LRRC49: variants seen among roughly 807,000 people sequenced by gnomAD.
LRRC49 encodes leucine-rich repeat-containing protein 49.
LRRC49 carries 50 observed loss-of-function variants against 83.3 expected under a neutral mutation model. That is an observed-to-expected ratio of 0.60 (90% CI 0.48 to 0.76). The LOEUF (loss-of-function observed/expected upper bound fraction) is 0.76, where lower values mean the gene tolerates loss of function less well. LRRC49 is among the 30% of genes least tolerant of loss of function. The pLI is 0.00. For missense variants in LRRC49, 704 were observed against 809.1 expected (o/e 0.87, Z 1.58); for synonymous variants, 286 against 283.3 (o/e 1.01, Z -0.10).
At chr15:70,890,515 T>C (rs887054745), upstream of LRRC49, among the ~76,000 whole-genome samples, 2 of 152,232 alleles carry the variant, frequency 1.3e-5, no homozygotes, top group Non-Finnish European at 2.9e-5. Flanking sequence ...AAATCAGACA[T>C]GATCCTAGCT....
chr15:70,871,959 C>T (rs1432270044), intron 1 of LRRC49, among the ~76,000 whole-genome samples: 1 of 151,702 alleles, frequency 6.6e-6, no homozygotes, highest in Admixed American at 6.6e-5. Context: ...CGATGGGCGG[C>T]CAGGCAGAGA....
At chr15:70,878,654 A>G (rs572442318) in intron 2 of LRRC49, among the ~76,000 whole-genome samples, 1 of 152,312 alleles carries the variant, frequency 6.6e-6, no homozygotes, top group Non-Finnish European at 1.5e-5. Context: ...GTAGGTTTTT[A>G]TCATAAATAG....
chr15:70,997,534 T>C (rs2038114799), intron 11 of LRRC49, among the ~76,000 whole-genome samples: 1 of 152,116 alleles, frequency 6.6e-6, no homozygotes, highest in Non-Finnish European at 1.5e-5. Context: ...GTGGATAACC[T>C]GAGGTCAAGA....
intron 11 of LRRC49, among the ~76,000 whole-genome samples, chr15:70,988,080 TGTG>T (rs1330540720): frequency 6.6e-6 from 1 of 151,546 alleles, no homozygotes; most frequent in African/African-American, 2.4e-5. Flanking sequence ...TTGGAATAGG[TGTG>T]GTGTGGTGCT....
intron 9 of LRRC49, among the ~76,000 whole-genome samples, 193 bp downstream of exon 9, chr15:70,964,125 T>A (rs2036708635): frequency 6.6e-6 from 1 of 152,188 alleles, no homozygotes; most frequent in Non-Finnish European, 1.5e-5. Flanking sequence ...GCAAGACTTT[T>A]AAAATTCCTA....
intron 6 of LRRC49, among the ~76,000 whole-genome samples, chr15:70,916,577 G>A (rs987365081): frequency 4.2e-4 from 64 of 152,182 alleles, no homozygotes; most frequent in African/African-American, 1.5e-3. Context: ...TTACAGGTGT[G>A]AGCTACCGCG....
At chr15:70,865,070 C>CA (rs1372696987) in intron 1 of LRRC49, among the ~76,000 whole-genome samples, 1 of 152,142 alleles carries the variant, frequency 6.6e-6, no homozygotes, top group Non-Finnish European at 1.5e-5. Flanking sequence ...AATTCAGGGA[C>CA]AAGTTTCTTT....
chr15:71,040,766 G>T (rs2039675392), intron 15 of LRRC49, among the ~76,000 whole-genome samples: 1 of 143,194 alleles, frequency 7.0e-6, no homozygotes, highest in South Asian at 2.2e-4. Flanking sequence ...CTTGCAGTGA[G>T]CCGAGATTGC....
At chr15:70,992,326 T>G (rs1017309714) in intron 11 of LRRC49, among the ~76,000 whole-genome samples, 2 of 152,246 alleles carry the variant, frequency 1.3e-5, no homozygotes, top group African/African-American at 4.8e-5. Context: ...TCATTCTCCG[T>G]CCAGCTTTGT....
chr15:70,944,162 C>A (rs7171887), intron 8 of LRRC49, among the ~76,000 whole-genome samples: 7,399 of 152,132 alleles, frequency 0.049, 599 homozygotes, highest in African/African-American at 0.17. Flanking sequence ...ACCCCAAATT[C>A]TTAGTCTTGA....
chr15:70,932,696 GTTCTT>G (rs1156839899), intron 7 of LRRC49, among the ~76,000 whole-genome samples: 1 of 140,114 alleles, frequency 7.1e-6, no homozygotes, highest in Non-Finnish European at 1.6e-5. Context: ...GAATCATTTA[GTTCTT>G]TTCTTTTCTT....
chr15:71,042,955 C>G (rs1320963510), intron 15 of LRRC49, among the ~76,000 whole-genome samples: 2 of 152,186 alleles, frequency 1.3e-5, no homozygotes, highest in Admixed American at 1.3e-4. Context: ...TCATGGTGCT[C>G]TCTCAAGTTT....
intron 8 of LRRC49, among the ~76,000 whole-genome samples, chr15:70,962,880 A>G (rs1308622881): frequency 6.6e-6 from 1 of 152,098 alleles, no homozygotes; most frequent in Non-Finnish European, 1.5e-5. Flanking sequence ...ATGCAATGGT[A>G]ACTTTACATT....
At position 71,042,315 on chromosome 15, in the gene LRRC49, G is replaced by A. The variant is rs549542716; in HGVS notation, c.1857+4983G>A. Among the ~76,000 whole-genome samples the A allele has an allele frequency of 5.3e-5, 8 of 152,212 alleles. 1 individual carries two copies. The South Asian group carries it at 1.7e-3, about 32-fold the overall frequency. On this transcript the variant is annotated intron_variant, in intron 15 of 15. Coordinates refer to ENST00000260382, the MANE Select transcript of LRRC49 (RefSeq NM_017691.5). ...TAGCTTCAGTGCAGTCATGTAAGCA[G>A]AGTCTTGATTAAAGTGATATGAGCA... is the stretch of plus-strand genomic sequence containing the variant.
At chr15:70,980,693 T>C (rs2037368329) in intron 10 of LRRC49, among the ~76,000 whole-genome samples, 1 of 152,098 alleles carries the variant, frequency 6.6e-6, no homozygotes, top group Non-Finnish European at 1.5e-5. Context: ...ATTTAGCAGA[T>C]ATTAATTTCC....
chr15:70,951,063 A>G (rs1286969092), intron 8 of LRRC49, among the ~76,000 whole-genome samples: 2 of 152,034 alleles, frequency 1.3e-5, no homozygotes, highest in Admixed American at 6.5e-5. Context: ...ATGATCAGGT[A>G]GTTGTAGGTG....
At chr15:70,864,942 T>G (rs1409147140) in intron 1 of LRRC49, among the ~76,000 whole-genome samples, 2 of 152,206 alleles carry the variant, frequency 1.3e-5, no homozygotes, top group East Asian at 1.9e-4. Context: ...GTGCCAAATT[T>G]GGGGCACTAG....
intron 14 of LRRC49, among the ~76,000 whole-genome samples, chr15:71,017,267 A>G (rs1011602625): frequency 6.6e-6 from 1 of 152,174 alleles, no homozygotes; most frequent in African/African-American, 2.4e-5. Flanking sequence ...ACAAATCCCA[A>G]TATGATTTCT....
At chr15:70,971,849 A>G (rs953345351) in intron 9 of LRRC49, among the ~76,000 whole-genome samples, 1 of 87,232 alleles carries the variant, frequency 1.1e-5, no homozygotes, top group African/African-American at 4.9e-5. Context: ...ATCTTCCTCT[A>G]TCACTTTATT....
Sources: gnomAD v4.1 joint callset for allele counts (sites outside exome capture counted in the v4.1 genomes callset) on GRCh38, gnomAD v4.1.1 for gene constraint, MANE v1.5 for transcripts, NCBI Gene and HGNC (gene_info 2026-07-23, HGNC 2026-07-21) for gene names.